The following TMEM232 variants were observed in gnomAD, a reference collection of about 807,000 sequenced individuals.
TMEM232 encodes the protein transmembrane protein 232.
Under a neutral mutation model 78.8 loss-of-function variants are expected in TMEM232, and 80 were observed. That is an observed-to-expected ratio of 1.01 (90% CI 0.85 to 1.22). TMEM232 has a LOEUF of 1.22. Ranked by LOEUF, TMEM232 falls within the 50% of genes most tolerant of loss-of-function variation. TMEM232 has a pLI of 0.00. For missense variants in TMEM232, 881 were observed against 742.2 expected, an observed-to-expected ratio of 1.19 and a Z score of -2.17; for synonymous variants, 297 against 254.3, an observed-to-expected ratio of 1.17 and a Z score of -1.60.
chr5:110,561,850 C>A (rs950699155), intron 11 of TMEM232, among the ~76,000 whole-genome samples: 1 of 152,036 alleles, frequency 6.6e-6, no homozygotes, highest in Non-Finnish European at 1.5e-5. Flanking sequence ...GGATAATGCA[C>A]TTATTGACAT....
intron 1 of TMEM232, among the ~76,000 whole-genome samples, chr5:110,693,021 G>T (rs1164340652): frequency 6.6e-6 from 1 of 152,202 alleles, no homozygotes; most frequent in South Asian, 2.1e-4. Flanking sequence ...GTGGGTCCCT[G>T]ACCCCCGAGT....
intron 11 of TMEM232, among the ~76,000 whole-genome samples, chr5:110,548,210 A>G (rs921948938): frequency 6.6e-6 from 1 of 151,268 alleles, no homozygotes; most frequent in Non-Finnish European, 1.5e-5. Context: ...TACTGATTAC[A>G]TAAAGCAATA....
chr5:110,671,288 T>G (rs1167571199), intron 1 of TMEM232, among the ~76,000 whole-genome samples: 1 of 152,170 alleles, frequency 6.6e-6, no homozygotes, highest in Non-Finnish European at 1.5e-5. Context: ...GAAATGCTTT[T>G]ACCCGTTGGT....
At chr5:110,680,628 A>G (rs1437968966) in intron 1 of TMEM232, among the ~76,000 whole-genome samples, 3 of 152,150 alleles carry the variant, frequency 2.0e-5, no homozygotes, top group Non-Finnish European at 4.4e-5. Context: ...TCTAAAGCAG[A>G]AAACCTTCTC....
intron 4 of TMEM232, among the ~76,000 whole-genome samples, chr5:110,389,593 C>T (rs1299889624): frequency 1.3e-5 from 2 of 152,196 alleles, no homozygotes; most frequent in African/African-American, 2.4e-5. Context: ...TGGATTCTGA[C>T]ATAAATCTCA....
chr5:110,579,088 T>G (rs1329705054), intron 10 of TMEM232, among the ~76,000 whole-genome samples: 1 of 151,784 alleles, frequency 6.6e-6, no homozygotes, highest in African/African-American at 2.4e-5. Context: ...GAGATAATTT[T>G]GAAAGCAGTG....
chr5:110,391,291 ATGTGTGTGTGTG>A (rs369913835), intron 3 of TMEM232, among the ~76,000 whole-genome samples: 26 of 130,578 alleles, frequency 2.0e-4, no homozygotes, highest in Non-Finnish European at 3.6e-4. Context: ...TCCCGTTTGA[ATGTGTGTGTGTG>A]TGTGTGTGTG....
chr5:110,469,810 T>G lies in TMEM232; in HGVS notation c.1704-44894A>C, dbSNP rs116517940. Among the ~76,000 whole-genome samples the G allele has an allele frequency of 6.5e-3, 997 of 152,250 alleles. 17 individuals carry two copies. Among genetic ancestry groups the G allele is most frequent in the African/African-American group, 0.022 (928 of 41,566 alleles). Reference sequence around the variant, plus strand: ...CACCACGATTGCACTGATAGAGCATTCTATGTCCCAGGGGAAAAAATGTAG... The same window carrying G: ...CACCACGATTGCACTGATAGAGCATGCTATGTCCCAGGGGAAAAAATGTAG... On this transcript the variant is annotated intron_variant, in intron 12 of 13. Coordinates refer to ENST00000455884, the MANE Select transcript of TMEM232 (RefSeq NM_001039763.4).
chr5:110,713,864 G>A (rs1796748323), intron 1 of TMEM232, among the ~76,000 whole-genome samples: 1 of 152,162 alleles, frequency 6.6e-6, no homozygotes, highest in African/African-American at 2.4e-5. Flanking sequence ...CTGTAGTCAG[G>A]GCAGTGAGGA....
intron 11 of TMEM232, among the ~76,000 whole-genome samples, chr5:110,544,871 G>A (rs1016692320): frequency 6.6e-6 from 1 of 152,090 alleles, no homozygotes; most frequent in Non-Finnish European, 1.5e-5. Context: ...TGTTATCAAT[G>A]TAGTATCTCA....
chr5:110,407,408 C>T (rs1215535011), intron 2 of TMEM232, among the ~76,000 whole-genome samples: 2 of 151,970 alleles, frequency 1.3e-5, no homozygotes, highest in African/African-American at 2.4e-5. Flanking sequence ...AAACAGATTA[C>T]AAATCTATGA....
intron 2 of TMEM232, among the ~76,000 whole-genome samples, chr5:110,410,786 T>C (rs1282961421): frequency 6.6e-6 from 1 of 152,142 alleles, no homozygotes; most frequent in Non-Finnish European, 1.5e-5. Flanking sequence ...GAAATTGAGG[T>C]ACAGAGAGGT....
intron 4 of TMEM232, among the ~76,000 whole-genome samples, chr5:110,390,227 A>G (rs943137108): frequency 1.6e-4 from 25 of 152,190 alleles, no homozygotes; most frequent in African/African-American, 6.0e-4. Flanking sequence ...AAGAATGGGA[A>G]TTATAAGGTT....
intron 1 of TMEM232, among the ~76,000 whole-genome samples, chr5:110,718,616 T>C (rs1167865065): frequency 1.3e-5 from 2 of 152,088 alleles, no homozygotes; most frequent in African/African-American, 2.4e-5. Flanking sequence ...CTGAGCTTCT[T>C]AGGTGTGAAG....
intron 1 of TMEM232, chr5:110,735,077 C>T (rs1359271694): frequency 6.6e-6 from 1 of 152,138 alleles, no homozygotes; most frequent in African/African-American, 2.4e-5. Context: ...CAGTGGTTTA[C>T]ACATAGTAGG....
chr5:110,653,486 C>T (rs1788611655), intron 2 of TMEM232, among the ~76,000 whole-genome samples: 1 of 152,144 alleles, frequency 6.6e-6, no homozygotes, highest in African/African-American at 2.4e-5. Flanking sequence ...TCCTTGAAGC[C>T]TTGGCAGGAA....
chr5:110,617,239 G>A (rs1019020252), intron 8 of TMEM232, among the ~76,000 whole-genome samples: 9 of 152,164 alleles, frequency 5.9e-5, no homozygotes, highest in African/African-American at 9.7e-5. Context: ...GCAGAACTAG[G>A]TAGTAGAATG....
upstream of TMEM232, among the ~76,000 whole-genome samples, chr5:110,730,582 C>T (rs1261237130): frequency 6.6e-6 from 1 of 152,168 alleles, no homozygotes; most frequent in Non-Finnish European, 1.5e-5. Flanking sequence ...GCCTCAGAAT[C>T]ATGGCGGGAG....
intron 12 of TMEM232, among the ~76,000 whole-genome samples, chr5:110,488,133 A>G (rs759206579): frequency 6.6e-6 from 1 of 152,058 alleles, no homozygotes; most frequent in Non-Finnish European, 1.5e-5. Flanking sequence ...TTTCTAGTTT[A>G]TGTGCATAAA....
Sources: allele counts gnomAD v4.1 joint callset (sites outside exome capture counted in the v4.1 genomes callset), GRCh38; gene constraint gnomAD v4.1.1; transcripts MANE v1.5; gene names NCBI Gene and HGNC (gene_info 2026-07-23, HGNC 2026-07-21).